LIMCH1: variants seen among roughly 807,000 people sequenced by gnomAD.
The protein encoded by LIMCH1 is LIM and calponin homology domains-containing protein 1.
A neutral mutation model predicts 176.5 loss-of-function variants in LIMCH1; 113 were observed. The ratio of observed to expected loss-of-function variants is 0.64; its 90% confidence interval spans 0.55 to 0.75. The LOEUF (loss-of-function observed/expected upper bound fraction) is 0.75. Among genes scored for constraint, LIMCH1 ranks in the 30% least tolerant of loss-of-function variants. LIMCH1 has a pLI of 0.00. For synonymous variants in LIMCH1, 619 were observed against 645.9 expected, an observed-to-expected ratio of 0.96 and a Z score of 0.63; for missense variants, 1,674 against 1,814.9, an observed-to-expected ratio of 0.92 and a Z score of 1.41.
At position 41,684,500 on chromosome 4, in the gene LIMCH1, A is replaced by C; in HGVS notation, c.3949A>C (p.Asn1317His). ...TEAGAPHCGT[N>H]PQLAQDPSQN... ...GGCTGGGGCCCCACACTGTGGAACA[A>C]ACCCACAGCTTGCTCAGGGTAAGAA... Residue 1317 changes from asparagine to histidine, a missense_variant, in exon 27 of 32, where the codon AAC becomes CAC. Physicochemically the swap from Asn to His is moderately conservative, Grantham distance 68. Coordinates refer to ENST00000503057, the MANE Select transcript of LIMCH1 (RefSeq NM_001330672.2). 1 of 1,613,614 alleles carries C rather than the reference A, an allele frequency of 6.2e-7. No homozygotes were observed. The highest frequency in any genetic ancestry group is 1.1e-5 in the South Asian group (1 of 91,008).
chr4:41,565,307 G>C (rs774313157), intron 1 of LIMCH1, among the ~76,000 whole-genome samples: 5 of 147,774 alleles, frequency 3.4e-5, no homozygotes, highest in Non-Finnish European at 7.4e-5. Flanking sequence ...TCATGGGTTG[G>C]CATCTTAGGA....
intron 2 of LIMCH1, among the ~76,000 whole-genome samples, chr4:41,501,846 G>A (rs550418266): frequency 7.5e-4 from 105 of 140,924 alleles, no homozygotes; most frequent in Non-Finnish European, 1.2e-3. Flanking sequence ...CTCATCTCCC[G>A]GTGTAGAATC....
intron 1 of LIMCH1, among the ~76,000 whole-genome samples, chr4:41,388,514 T>C (rs560469838): frequency 7.2e-5 from 11 of 152,338 alleles, no homozygotes; most frequent in African/African-American, 1.9e-4. Context: ...GAGGAATCTA[T>C]TGGGGATGTT....
At chr4:41,418,505 A>G (rs2060136460) in intron 1 of LIMCH1, among the ~76,000 whole-genome samples, 1 of 152,188 alleles carries the variant, frequency 6.6e-6, no homozygotes, top group Non-Finnish European at 1.5e-5. Context: ...TGAAGTCACC[A>G]GGCCTTCAAC....
intron 2 of LIMCH1, among the ~76,000 whole-genome samples, chr4:41,500,080 T>A (rs2072986408): frequency 6.6e-6 from 1 of 152,210 alleles, no homozygotes; most frequent in Non-Finnish European, 1.5e-5. Flanking sequence ...TGGGACATAG[T>A]AGGGTTTGTC....
intron 2 of LIMCH1, among the ~76,000 whole-genome samples, chr4:41,523,082 G>A (rs926022728): frequency 5.3e-5 from 8 of 151,622 alleles, no homozygotes; most frequent in African/African-American, 1.9e-4. Flanking sequence ...ATCACTGTAG[G>A]GACATTTCTC....
chr4:41,412,419 A>G (rs2059577423), intron 1 of LIMCH1, among the ~76,000 whole-genome samples: 2 of 152,214 alleles, frequency 1.3e-5, no homozygotes, highest in Admixed American at 1.3e-4. Context: ...GAAGACTTAG[A>G]TAATCCCAGT....
At chr4:41,633,522 A>G (rs1487489575) in intron 12 of LIMCH1, 26 bp from the exon 13 acceptor site, 2 of 1,531,694 alleles carry the variant, frequency 1.3e-6, no homozygotes, top group South Asian at 2.4e-5. Flanking sequence ...GTGGCCTTTG[A>G]CTGGCTGGAC....
chr4:41,683,735 G>A (rs1441383640), intron 26 of LIMCH1, among the ~76,000 whole-genome samples: 1 of 152,182 alleles, frequency 6.6e-6, no homozygotes, highest in Non-Finnish European at 1.5e-5. Context: ...TCCAGAAACT[G>A]TAGAGCCCTT....
At chr4:41,693,203 A>C (rs116656736) in intron 31 of LIMCH1, 2 of 152,346 alleles carry the variant, frequency 1.3e-5, no homozygotes, top group African/African-American at 4.8e-5. Context: ...CATCAGTCAG[A>C]AACTCTTTTA....
intron 1 of LIMCH1, among the ~76,000 whole-genome samples, chr4:41,538,703 A>G (rs1042252273): frequency 6.6e-6 from 1 of 152,122 alleles, no homozygotes; most frequent in Non-Finnish European, 1.5e-5. Context: ...CATTTTTAAG[A>G]TGTGGTCCAG....
At chr4:41,673,355 G>C (rs1345039656) in intron 22 of LIMCH1, among the ~76,000 whole-genome samples, 1 of 152,156 alleles carries the variant, frequency 6.6e-6, no homozygotes, top group South Asian at 2.1e-4. Context: ...CATGCCCCCT[G>C]GGTAGGGGTG....
chr4:41,515,687 A>C (rs1214073175), intron 2 of LIMCH1, among the ~76,000 whole-genome samples: 1 of 152,218 alleles, frequency 6.6e-6, no homozygotes, highest in Non-Finnish European at 1.5e-5. Flanking sequence ...CAAATGCGTA[A>C]ATAACTTGTC....
At chr4:41,692,213 C>T in intron 30 of LIMCH1, 69 bp from the exon 31 acceptor site, 1 of 898,196 alleles carries the variant, frequency 1.1e-6, no homozygotes, top group South Asian at 1.3e-5. Context: ...TTCACATAAA[C>T]AGTAACTAAG....
At chr4:41,527,819 T>C (rs1162325083) in intron 3 of LIMCH1, among the ~76,000 whole-genome samples, 1 of 85,516 alleles carries the variant, frequency 1.2e-5, no homozygotes, top group African/African-American at 6.2e-5. Context: ...CGAGACTCCG[T>C]CTCAAAAAAA....
intron 1 of LIMCH1, among the ~76,000 whole-genome samples, chr4:41,460,990 C>G (rs764533312): frequency 1.1e-4 from 16 of 152,058 alleles, no homozygotes; most frequent in Non-Finnish European, 4.4e-5. Flanking sequence ...TCCTAATTTC[C>G]TTTATTTGTT....
chr4:41,498,740 A>G lies in LIMCH1; in HGVS notation c.167+4134A>G, dbSNP rs146539463. 7.8e-4 allele frequency among the ~76,000 whole-genome samples: 119 copies of G among 152,346 alleles called. No homozygotes were observed. The East Asian group carries it at 0.022, about 28-fold the overall frequency. ...GAGTCATTAGCAGATGATATTCTCT[A>G]CTTCCCTGCACATACACCGGCCTGT... On this transcript the variant is annotated intron_variant, in intron 2 of 26. Coordinates refer to the LIMCH1 transcript ENST00000313860.
intron 1 of LIMCH1, among the ~76,000 whole-genome samples, chr4:41,381,537 G>A (rs1357733697): frequency 3.3e-5 from 5 of 152,094 alleles, no homozygotes; most frequent in South Asian, 2.1e-4. Context: ...AGTGACTGCC[G>A]TTCTTCTCCC....
At chr4:41,427,322 T>A (rs1383118230) in intron 1 of LIMCH1, among the ~76,000 whole-genome samples, 1 of 152,204 alleles carries the variant, frequency 6.6e-6, no homozygotes, top group African/African-American at 2.4e-5. Flanking sequence ...GTGTTTTAAG[T>A]ACCCCATAAA....
Sources: gnomAD v4.1 joint callset for allele counts (sites outside exome capture counted in the v4.1 genomes callset) on GRCh38, gnomAD v4.1.1 for gene constraint, MANE v1.5 for transcripts, NCBI Gene and HGNC (gene_info 2026-07-23, HGNC 2026-07-21) for gene names.